CNTN4: variants seen among roughly 807,000 people sequenced by gnomAD.
The protein encoded by CNTN4 is contactin 4.
A neutral mutation model predicts 122.5 loss-of-function variants in CNTN4; 77 were observed. That is an observed-to-expected ratio of 0.63 (90% CI 0.52 to 0.76). The LOEUF (loss-of-function observed/expected upper bound fraction) is 0.76, where lower values mean the gene tolerates loss of function less well. Among genes scored for constraint, CNTN4 ranks in the 30% least tolerant of loss-of-function variants. The pLI, the probability that CNTN4 is intolerant of heterozygous loss-of-function variation, is 0.00. For missense variants in CNTN4, 1,256 were observed against 1,259.1 expected, an observed-to-expected ratio of 1.00 and a Z score of 0.04; for synonymous variants, 512 against 447.0, an observed-to-expected ratio of 1.15 and a Z score of -1.83.
chr3:3,025,353 A>G (rs537454763), intron 14 of CNTN4, among the ~76,000 whole-genome samples: 1 of 152,272 alleles, frequency 6.6e-6, no homozygotes, highest in African/African-American at 2.4e-5. Context: ...TATTAGAAAA[A>G]TGTCTAATAA....
intron 3 of CNTN4, among the ~76,000 whole-genome samples, chr3:2,347,516 T>TCTC (rs1331736960): frequency 4.0e-5 from 6 of 150,766 alleles, no homozygotes; most frequent in Middle Eastern, 3.5e-3. Flanking sequence ...TTCAAGTGAT[T>TCTC]CTCCTGCCTC....
At chr3:2,415,838 G>A (rs1217136942) in intron 3 of CNTN4, among the ~76,000 whole-genome samples, 3 of 151,828 alleles carry the variant, frequency 2.0e-5, no homozygotes, top group African/African-American at 7.3e-5. Flanking sequence ...ATTTGGGGTG[G>A]CGCTGGCTTA....
At chr3:2,181,405 A>G (rs2037009002) in intron 2 of CNTN4, among the ~76,000 whole-genome samples, 1 of 152,112 alleles carries the variant, frequency 6.6e-6, no homozygotes, top group Non-Finnish European at 1.5e-5. Context: ...CTGAAAATTC[A>G]CATTTAGTAG....
At chr3:2,966,961 C>G (rs1288911882) in intron 13 of CNTN4, among the ~76,000 whole-genome samples, 1 of 152,172 alleles carries the variant, frequency 6.6e-6, no homozygotes, top group Non-Finnish European at 1.5e-5. Context: ...TCAATGGGTT[C>G]ACCCTGCCTG....
At chr3:2,235,923 A>C (rs1168167993) in intron 2 of CNTN4, among the ~76,000 whole-genome samples, 1 of 152,186 alleles carries the variant, frequency 6.6e-6, no homozygotes, top group Admixed American at 6.5e-5. Context: ...ATGTAGTTGA[A>C]GGAAAGATTT....
rs147133795 is a variant in CNTN4, at chr3:2,281,383, T to A, written c.-144-57795T>A. 7.9e-4 allele frequency among the ~76,000 whole-genome samples: 120 copies of A among 152,240 alleles called. 2 individuals are homozygous for A. The highest frequency in any genetic ancestry group is 3.9e-3 in the South Asian group (19 of 4,824). On this transcript the variant is annotated intron_variant, in intron 2 of 24. Transcript: ENST00000418658. The stretch of plus-strand genomic sequence containing the variant: ...TAGTAACTCCTAACCACAACTATTA[T>A]GCTTGTTAGTCCCCATGGCCTATTT...
At position 2,426,315 on chromosome 3, in the gene CNTN4, A is replaced by G. The variant is rs141549071; in HGVS notation, c.-89+87082A>G. Among the ~76,000 whole-genome samples, 990 of 152,248 alleles carry G rather than the reference A, an allele frequency of 6.5e-3. 13 individuals carry two copies. The highest frequency in any genetic ancestry group is 0.022 in the African/African-American group (920 of 41,540). ...TTTGTTGAAGTCCTTTTCTGCATCT[A>G]TTGAGATAATCATGTGGTTTTTGTC... On this transcript the variant is annotated intron_variant, in intron 3 of 24. Coordinates refer to ENST00000418658, the MANE Select transcript of CNTN4 (RefSeq NM_175607.3).
intron 13 of CNTN4, among the ~76,000 whole-genome samples, chr3:2,944,197 C>T (rs965553610): frequency 1.3e-5 from 2 of 151,226 alleles, no homozygotes; most frequent in Non-Finnish European, 1.5e-5. Context: ...GTTTTTGTTC[C>T]ACACCCTCAA....
At chr3:2,677,476 C>G (rs1007375662) in intron 4 of CNTN4, among the ~76,000 whole-genome samples, 44 of 32,768 alleles carry the variant, frequency 1.3e-3, no homozygotes, top group African/African-American at 3.1e-3. Context: ...ATCCATCTAT[C>G]CATCTATATC....
chr3:2,962,420 G>A (rs1440196825), intron 13 of CNTN4, among the ~76,000 whole-genome samples: 1 of 152,206 alleles, frequency 6.6e-6, no homozygotes, highest in Non-Finnish European at 1.5e-5. Flanking sequence ...TTCTTGGGTT[G>A]CAGTTAACCA....
intron 3 of CNTN4, among the ~76,000 whole-genome samples, chr3:2,436,503 G>A (rs1252743228): frequency 6.6e-6 from 1 of 152,044 alleles, no homozygotes; most frequent in East Asian, 1.9e-4. Context: ...TTTTCTCTTA[G>A]GTGTTTTTTA....
intron 13 of CNTN4, among the ~76,000 whole-genome samples, chr3:2,931,551 C>T (rs1405931183): frequency 2.6e-5 from 4 of 152,142 alleles, no homozygotes; most frequent in Non-Finnish European, 5.9e-5. Context: ...GTAAAACCCT[C>T]ACCTTCTTTT....
chr3:2,684,089 C>T (rs1166178048), intron 4 of CNTN4, among the ~76,000 whole-genome samples: 1 of 152,124 alleles, frequency 6.6e-6, no homozygotes, highest in Non-Finnish European at 1.5e-5. Context: ...ACTTTCCCTG[C>T]AATTCACACT....
chr3:2,213,290 T>G (rs2149450227), intron 2 of CNTN4, among the ~76,000 whole-genome samples: 1 of 152,144 alleles, frequency 6.6e-6, no homozygotes, highest in East Asian at 1.9e-4. Context: ...GCTCGTAACT[T>G]TCAGTCCAAT....
Position 3,040,246 on chromosome 3 carries a change from C to A in CNTN4, c.2373C>A (p.Thr791=). ...AAGGAGAAGGCCCTTTCAGTCCCAC[C>A]ACGGTGGTGTATTCTGCAGAAGAAG... The part of the protein sequence containing the change: ...NNKGEGPFSP[T]TVVYSAEEEP... The change falls in exon 20 of 25, where the codon ACC becomes ACA. Residue 791 remains threonine (T), a synonymous_variant. Transcript: ENST00000418658. 6.2e-7 allele frequency: 1 copy of A among 1,613,744 alleles called. No homozygotes were observed. Among genetic ancestry groups the A allele is most frequent in the Non-Finnish European group, 8.5e-7 (1 of 1,179,622 alleles).
chr3:2,722,389 A>G (rs1486437170), intron 4 of CNTN4, among the ~76,000 whole-genome samples: 2 of 152,174 alleles, frequency 1.3e-5, no homozygotes, highest in African/African-American at 4.8e-5. Context: ...ATCCCCTGTC[A>G]GTTACTTCTT....
At chr3:2,467,741 G>T (rs2075554434) in intron 3 of CNTN4, among the ~76,000 whole-genome samples, 1 of 152,100 alleles carries the variant, frequency 6.6e-6, no homozygotes, top group Non-Finnish European at 1.5e-5. Flanking sequence ...TACAACAGAA[G>T]ATAATAATCT....
intron 3 of CNTN4, among the ~76,000 whole-genome samples, chr3:2,374,623 A>G (rs1205210650): frequency 6.6e-6 from 1 of 152,184 alleles, no homozygotes; most frequent in African/African-American, 2.4e-5. Context: ...CTAATGTGGC[A>G]AGGCTTGTTT....
intron 3 of CNTN4, among the ~76,000 whole-genome samples, chr3:2,464,362 CTT>C (rs1480182549): frequency 6.6e-6 from 1 of 152,166 alleles, no homozygotes; most frequent in Non-Finnish European, 1.5e-5. Context: ...AGGAACTAGT[CTT>C]TTTGGTTTGT....
Sources: allele counts gnomAD v4.1 joint callset (sites outside exome capture counted in the v4.1 genomes callset), GRCh38; gene constraint gnomAD v4.1.1; transcripts MANE v1.5; gene names NCBI Gene and HGNC (gene_info 2026-07-23, HGNC 2026-07-21).